ZSCAN25: variants seen among roughly 807,000 people sequenced by gnomAD.
ZSCAN25 encodes zinc finger and SCAN domain containing 25, also known as zinc finger and SCAN domain-containing protein 25.
A neutral mutation model predicts 38.7 loss-of-function variants in ZSCAN25; 27 were observed. The observed-to-expected ratio is 0.70, with a 90% CI of 0.51 to 0.96. The LOEUF (loss-of-function observed/expected upper bound fraction) is 0.96, where lower values mean the gene tolerates loss of function less well. Ranked by LOEUF, ZSCAN25 falls within the 40% of genes least tolerant of loss-of-function variation. The pLI is 0.00. For missense variants in ZSCAN25, 637 were observed against 705.9 expected, an observed-to-expected ratio of 0.90 and a Z score of 1.11; for synonymous variants, 273 against 277.7, an observed-to-expected ratio of 0.98 and a Z score of 0.17.
chr7:99,636,819 T>G (rs1243623366), downstream of ZSCAN25, among the ~76,000 whole-genome samples: 1 of 152,242 alleles, frequency 6.6e-6, no homozygotes, highest in Non-Finnish European at 1.5e-5. Flanking sequence ...GATCTAGATA[T>G]CATCAGCGAG....
the ZSCAN25 span, among the ~76,000 whole-genome samples, chr7:99,686,475 C>A: frequency 2.0e-5 from 3 of 152,160 alleles, no homozygotes; most frequent in Non-Finnish European, 4.4e-5. Context: ...CCTGCCATTG[C>A]CCAGACTTGA....
downstream of ZSCAN25, among the ~76,000 whole-genome samples, chr7:99,636,003 C>T (rs1483750573): frequency 4.1e-5 from 6 of 145,354 alleles, no homozygotes; most frequent in East Asian, 6.0e-4. Flanking sequence ...GTGGAGATCG[C>T]GCCACTGCAC....
chr7:99,654,286 G>GA, the ZSCAN25 span, among the ~76,000 whole-genome samples: 6,210 of 152,032 alleles, frequency 0.041, 155 homozygotes, highest in Admixed American at 0.053. Flanking sequence ...CTGTGTCCAT[G>GA]TGTTCTCATT....
the ZSCAN25 span, chr7:99,705,021 A>C: frequency 6.2e-6 from 1 of 160,808 alleles, no homozygotes; most frequent in Non-Finnish European, 1.4e-5. Flanking sequence ...CTTAATGTGC[A>C]GGAAACATCC....
the ZSCAN25 span, among the ~76,000 whole-genome samples, chr7:99,726,351 T>A: frequency 1.1e-4 from 16 of 152,300 alleles, no homozygotes; most frequent in South Asian, 2.3e-3. Flanking sequence ...CTCCTTATAA[T>A]TCCCCCATCT....
At chr7:99,717,136 C>G in the ZSCAN25 span, 14 of 1,611,962 alleles carry the variant, frequency 8.7e-6, no homozygotes, top group African/African-American at 1.3e-5. Flanking sequence ...GCTGGAGGGG[C>G]TCATGACAGC....
chr7:99,626,717 T>C (rs1807498394), intron 7 of ZSCAN25, among the ~76,000 whole-genome samples: 1 of 152,224 alleles, frequency 6.6e-6, no homozygotes, highest in Non-Finnish European at 1.5e-5. Flanking sequence ...TGGAAGTAGC[T>C]GCAAGTCAGG....
chr7:99,678,710 T>C, the ZSCAN25 span, among the ~76,000 whole-genome samples: 3 of 152,224 alleles, frequency 2.0e-5, no homozygotes, highest in Non-Finnish European at 4.4e-5. Context: ...TATCAATTCA[T>C]TTAAAAATGT....
chr7:99,701,714 A>G, the ZSCAN25 span, among the ~76,000 whole-genome samples: 1 of 152,218 alleles, frequency 6.6e-6, no homozygotes. Context: ...GCACATTTTC[A>G]TATAACTATG....
At chr7:99,664,335 C>G in the ZSCAN25 span, among the ~76,000 whole-genome samples, 1 of 152,114 alleles carries the variant, frequency 6.6e-6, no homozygotes, top group African/African-American at 2.4e-5. Flanking sequence ...TTGGAGTGAC[C>G]AAAGTAATAG....
chr7:99,714,152 A>C, the ZSCAN25 span, among the ~76,000 whole-genome samples: 1 of 152,208 alleles, frequency 6.6e-6, no homozygotes, highest in South Asian at 2.1e-4. Flanking sequence ...GAGAATGTGT[A>C]AAATAATAGC....
the ZSCAN25 span, among the ~76,000 whole-genome samples, chr7:99,689,885 TA>T: frequency 6.6e-6 from 1 of 152,202 alleles, no homozygotes; most frequent in East Asian, 1.9e-4. Context: ...CAAGGTAATT[TA>T]TAGATTCAAT....
the ZSCAN25 span, among the ~76,000 whole-genome samples, chr7:99,689,640 G>A: frequency 6.6e-6 from 1 of 152,112 alleles, no homozygotes; most frequent in African/African-American, 2.4e-5. Context: ...AAAATCACAA[G>A]CATTCTTATA....
chr7:99,648,015 G>A, the ZSCAN25 span: 1 of 985,422 alleles, frequency 1.0e-6, no homozygotes, highest in Non-Finnish European at 1.2e-6. Flanking sequence ...TGAGAGCTCA[G>A]GAGGAGTTGA....
At chr7:99,677,774 T>C in the ZSCAN25 span, among the ~76,000 whole-genome samples, 1 of 152,180 alleles carries the variant, frequency 6.6e-6, no homozygotes, top group Non-Finnish European at 1.5e-5. Flanking sequence ...AGTTCCCTCC[T>C]TTGTTGTCAC....
chr7:99,679,380 T>A, the ZSCAN25 span, among the ~76,000 whole-genome samples: 1 of 151,886 alleles, frequency 6.6e-6, no homozygotes, highest in African/African-American at 2.4e-5. Flanking sequence ...CAGCTACACA[T>A]CCCTTCCAGC....
chr7:99,720,166 G>T, the ZSCAN25 span: 1 of 942,492 alleles, frequency 1.1e-6, no homozygotes, highest in Non-Finnish European at 1.6e-6. Context: ...AAGATTGCAA[G>T]ATGTTACCAT....
the ZSCAN25 span, chr7:99,648,550 T>C: frequency 1.8e-6 from 1 of 554,446 alleles, no homozygotes. Flanking sequence ...TCATACTTAA[T>C]CTATAAGCTG....
At chr7:99,660,214 CTT>C in the ZSCAN25 span, 3,609 of 429,318 alleles carry the variant, frequency 8.4e-3, no homozygotes, top group African/African-American at 0.021. Context: ...CGCCACACTC[CTT>C]TTTTTTTTTT....
Sources: allele counts gnomAD v4.1 joint callset (sites outside exome capture counted in the v4.1 genomes callset), GRCh38; gene constraint gnomAD v4.1.1; transcripts MANE v1.5; gene names NCBI Gene and HGNC (gene_info 2026-07-23, HGNC 2026-07-21).